The following NCOA5 variants were observed in gnomAD, a reference collection of about 807,000 sequenced individuals.
NCOA5 encodes NCoA-5.
NCOA5 carries 12 observed loss-of-function variants against 59.0 expected under a neutral mutation model. That is an observed-to-expected ratio of 0.20 (90% confidence interval 0.13 to 0.33). The LOEUF is 0.33. Ranked by LOEUF, NCOA5 falls within the 10% of genes least tolerant of loss-of-function variation. The probability of loss-of-function intolerance (pLI) is 1.00; values close to 1 mark genes in which losing one functional copy is unlikely to be tolerated. For missense variants in NCOA5, 655 were observed against 766.6 expected, an observed-to-expected ratio of 0.85 and a Z score of 1.72; for synonymous variants, 270 against 275.5, an observed-to-expected ratio of 0.98 and a Z score of 0.20.
At chr20:46,079,292 T>A in intron 2 of NCOA5, 95 bp downstream of exon 2, 1 of 1,189,146 alleles carries the variant, frequency 8.4e-7, no homozygotes, top group Non-Finnish European at 1.3e-6. Context: ...GTTTCACTTG[T>A]TGGGGGGAAG....
rs2084774287 is a variant in NCOA5 at position 46,062,252 on chromosome 20, G to A, written c.*48C>T. 6.9e-7 allele frequency: 1 copy of A among 1,455,274 alleles called. No homozygotes were observed. Among genetic ancestry groups the A allele is most frequent in the Non-Finnish European group, 9.4e-7 (1 of 1,059,726 alleles). 90.1% of individuals were successfully genotyped at this position (1,455,274 alleles called of 1,614,324 possible). ...AGCTCTATTTAGAACAAGTAAGTGG[G>A]AGGAGGCCAGGGGATGAGGGGACTG... is the stretch of plus-strand genomic sequence containing the variant. On this transcript the variant is annotated 3_prime_UTR_variant, in exon 8 of 8. Coordinates refer to ENST00000290231, the MANE Select transcript of NCOA5 (RefSeq NM_020967.3).
At chr20:46,085,042 T>C (rs1364566503) in intron 1 of NCOA5, among the ~76,000 whole-genome samples, 1 of 152,196 alleles carries the variant, frequency 6.6e-6, no homozygotes, top group East Asian at 1.9e-4. Flanking sequence ...AAGTTCATTT[T>C]TAAAAAAGAA....
intron 2 of NCOA5, among the ~76,000 whole-genome samples, chr20:46,073,156 A>C (rs2084902683): frequency 6.6e-6 from 1 of 152,204 alleles, no homozygotes. Context: ...AAGAGCAGGC[A>C]GCATGTTTTG....
intron 7 of NCOA5, 40 bp from the exon 8 acceptor site, chr20:46,062,929 C>A (rs374433897): frequency 4.0e-6 from 6 of 1,487,652 alleles, no homozygotes; most frequent in Non-Finnish European, 2.7e-6. Flanking sequence ...TCAAAGTACC[C>A]CCCAAGGGCA....
intron 2 of NCOA5, among the ~76,000 whole-genome samples, chr20:46,071,843 C>T (rs945689833): frequency 1.3e-5 from 2 of 152,346 alleles, no homozygotes; most frequent in Non-Finnish European, 1.5e-5. Flanking sequence ...CTCTTCTGCT[C>T]AGCTCAGGGC....
chr20:46,070,489 G>C lies in NCOA5; in HGVS notation c.86C>G (p.Ser29Cys). 2 of 1,614,016 alleles carry C rather than the reference G, an allele frequency of 1.2e-6. No homozygotes were observed. The highest frequency in any genetic ancestry group is 1.7e-6 in the Non-Finnish European group (2 of 1,179,996). ...GDSRDSRRDRSPIRGSPRREP... is the reference protein window; with the variant it reads ...GDSRDSRRDRCPIRGSPRREP... ...TCTCCTTGGACTTCCTCGAATTGGG[G>C]ATCGATCACGCCTTGAATCTCGACT... The change falls in exon 3 of 8, where the codon TCC (serine) becomes TGC (cysteine). Residue 29 changes from serine to cysteine, a missense_variant. Coordinates refer to ENST00000290231, the MANE Select transcript of NCOA5 (RefSeq NM_020967.3).
intron 4 of NCOA5, among the ~76,000 whole-genome samples, chr20:46,067,478 T>C (rs2084837029): frequency 2.0e-5 from 3 of 152,190 alleles, no homozygotes; most frequent in Admixed American, 1.3e-4. Flanking sequence ...CTCCACACCT[T>C]AGTCAACAGT....
intron 2 of NCOA5, among the ~76,000 whole-genome samples, chr20:46,076,749 A>C (rs1393113070): frequency 6.6e-6 from 1 of 152,152 alleles, no homozygotes; most frequent in African/African-American, 2.4e-5. Flanking sequence ...TGGATTGTTA[A>C]TGGAATTTGA....
intron 2 of NCOA5, among the ~76,000 whole-genome samples, chr20:46,073,669 C>T (rs746560619): frequency 6.6e-6 from 1 of 152,218 alleles, no homozygotes; most frequent in Admixed American, 6.5e-5. Flanking sequence ...ATGATCCTGA[C>T]AGACCACAGA....
intron 1 of NCOA5, among the ~76,000 whole-genome samples, chr20:46,080,661 C>T (rs552170636): frequency 6.6e-6 from 1 of 152,238 alleles, no homozygotes; most frequent in East Asian, 1.9e-4. Flanking sequence ...ATCTTCAATT[C>T]CATTTTAAAT....
Position 46,068,616 on chromosome 20 carries a change from A to G in NCOA5, c.388T>C (p.Tyr130His), listed in dbSNP as rs2084849265. ...CTGCAATAGTCATCCATTCGTAGGT[A>G]TCGGTCATAAGAGCCTTCTCTCCTG... ...MYRREGSYDR[Y>H]LRMDDYCRRK... Residue 130 changes from tyrosine (Y) to histidine (H), a missense_variant, in exon 4 of 8, where the codon TAC becomes CAC. Transcript: ENST00000290231. 1 of 1,613,038 alleles carries G rather than the reference A, an allele frequency of 6.2e-7. No individual in the cohort carries two copies. Among genetic ancestry groups the G allele is most frequent in the African/African-American group, 1.3e-5 (1 of 74,874 alleles).
chr20:46,089,282 A>C (rs987877551), intron 1 of NCOA5, among the ~76,000 whole-genome samples: 1 of 148,756 alleles, frequency 6.7e-6, no homozygotes, highest in Non-Finnish European at 1.5e-5. Context: ...GTGTCACACC[A>C]CAAGGAGACA....
intron 3 of NCOA5, among the ~76,000 whole-genome samples, chr20:46,068,995 TGGA>T (rs965034944): frequency 6.6e-6 from 1 of 152,090 alleles, no homozygotes; most frequent in African/African-American, 2.4e-5. Flanking sequence ...TTAGTAGAGA[TGGA>T]GTTTTGCCAT....
Position 46,065,045 on chromosome 20 carries a change from C to T in NCOA5, c.813G>A (p.Met271Ile), listed in dbSNP as rs2084807185. ...ACTCTGTACCTTGCGGGGTTCCAAA[C>T]ATGATGTTGACTGTGCAGGAGCGGT... ...QIHRSCTVNI[M>I]FGTPQEHRNM... The change falls in exon 6 of 8, where the codon ATG (methionine) becomes ATA (isoleucine). Residue 271 changes from methionine (M) to isoleucine (I), a missense_variant. Around this residue, in one of 3 missense-constraint regions of NCOA5, gnomAD observed 80 missense variants for 153.3 expected, o/e 0.52. Transcript: ENST00000290231. 6.2e-7 allele frequency: 1 copy of T among 1,614,206 alleles called. No homozygotes were observed. The highest frequency in any genetic ancestry group is 8.5e-7 in the Non-Finnish European group (1 of 1,180,040).
At chr20:46,089,656 G>C (rs1308966663) in intron 1 of NCOA5, among the ~76,000 whole-genome samples, 161 bp downstream of exon 1, 1 of 151,920 alleles carries the variant, frequency 6.6e-6, no homozygotes. Context: ...GCCCCGCACC[G>C]GGCATGCGCA....
chr20:46,076,733 G>C (rs1168767318), intron 2 of NCOA5, among the ~76,000 whole-genome samples: 1 of 151,930 alleles, frequency 6.6e-6, no homozygotes, highest in Non-Finnish European at 1.5e-5. Flanking sequence ...ATCACCAAGG[G>C]GAAGATGGAT....
chr20:46,065,343 G>C, intron 5 of NCOA5, 115 bp from the exon 6 acceptor site: 1 of 947,228 alleles, frequency 1.1e-6, no homozygotes, highest in Non-Finnish European at 1.6e-6. Flanking sequence ...CCCCAGTACC[G>C]TATTCAGGAT....
At chr20:46,077,758 TG>T (rs1465727906) in intron 2 of NCOA5, among the ~76,000 whole-genome samples, 1 of 152,226 alleles carries the variant, frequency 6.6e-6, no homozygotes, top group Non-Finnish European at 1.5e-5. Context: ...AAGATTCCAA[TG>T]GGAACCCTGT....
At chr20:46,070,653 A>G in intron 2 of NCOA5, 117 bp from the exon 3 acceptor site, 8 of 911,064 alleles carry the variant, frequency 8.8e-6, no homozygotes, top group Non-Finnish European at 1.3e-5. Flanking sequence ...CAGGGCAGCC[A>G]AACAGAACAT....
Sources: gnomAD v4.1 joint callset for allele counts (sites outside exome capture counted in the v4.1 genomes callset) on GRCh38, gnomAD v4.1.1 for gene constraint, gnomAD v4.1.1 regional missense constraint, MANE v1.5 for transcripts, NCBI Gene and HGNC (gene_info 2026-07-23, HGNC 2026-07-21) for gene names.